ARHGEF18: variants seen among roughly 807,000 people sequenced by gnomAD.
ARHGEF18 encodes the protein Rho/Rac guanine nucleotide exchange factor 18.
Under a neutral mutation model 155.7 loss-of-function variants are expected in ARHGEF18, and 93 were observed. The observed-to-expected ratio is 0.60, with a 90% confidence interval of 0.50 to 0.71. ARHGEF18 has a LOEUF of 0.71. Ranked by LOEUF, ARHGEF18 falls within the 30% of genes least tolerant of loss-of-function variation. The pLI, the probability that ARHGEF18 is intolerant of heterozygous loss-of-function variation, is 0.00. For synonymous variants in ARHGEF18, 742 were observed against 753.1 expected, an observed-to-expected ratio of 0.99 and a Z score of 0.24; for missense variants, 1,593 against 1,816.1, an observed-to-expected ratio of 0.88 and a Z score of 2.23.
At chr19:7,367,977 A>G (rs1296666513) in intron 2 of ARHGEF18, among the ~76,000 whole-genome samples, 11 of 66,782 alleles carry the variant, frequency 1.6e-4, no homozygotes, top group South Asian at 1.1e-3. Flanking sequence ...AAAGGAAAGA[A>G]AGAGAGAGAG....
chr19:7,384,329 TGG>T (rs1389571916), intron 10 of ARHGEF18, among the ~76,000 whole-genome samples: 2 of 152,086 alleles, frequency 1.3e-5, no homozygotes, highest in Admixed American at 6.6e-5. Context: ...AAAAGTCTCC[TGG>T]GGGGCAGAAT....
intron 1 of ARHGEF18, among the ~76,000 whole-genome samples, chr19:7,353,921 T>C (rs1969217972): frequency 7.0e-6 from 1 of 142,728 alleles, no homozygotes. Flanking sequence ...GATCAGCCAC[T>C]GCACTCCAGT....
intron 1 of ARHGEF18, among the ~76,000 whole-genome samples, chr19:7,358,320 TC>T (rs1418534715): frequency 6.6e-6 from 1 of 151,266 alleles, no homozygotes; most frequent in Non-Finnish European, 1.5e-5. Context: ...CAACCATCCA[TC>T]CATTCAACAT....
intron 8 of ARHGEF18, among the ~76,000 whole-genome samples, chr19:7,381,691 T>TAATAAATA (rs57480401): frequency 0.04 from 5,904 of 146,088 alleles, 321 homozygotes; most frequent in African/African-American, 0.12. Flanking sequence ...AATAAATAAA[T>TAATAAATA]AATAAATAAA....
At chr19:7,412,421 G>A (rs190285889) in intron 10 of ARHGEF18, among the ~76,000 whole-genome samples, 7 of 151,704 alleles carry the variant, frequency 4.6e-5, no homozygotes, top group African/African-American at 1.7e-4. Context: ...CCTTCTCACC[G>A]AGACACTTAA....
intron 10 of ARHGEF18, among the ~76,000 whole-genome samples, chr19:7,438,957 C>T (rs1438199108): frequency 6.6e-6 from 1 of 151,966 alleles, no homozygotes; most frequent in Non-Finnish European, 1.5e-5. Context: ...ACTGCAACCT[C>T]CGACTCCCGG....
chr19:7,401,452 A>AT (rs1258352890), intron 10 of ARHGEF18, among the ~76,000 whole-genome samples: 7 of 151,612 alleles, frequency 4.6e-5, no homozygotes, highest in Admixed American at 1.3e-4. Flanking sequence ...CGCCTGGCTA[A>AT]TTTTTTTTTA....
chr19:7,457,854 G>C (rs1975943763), intron 18 of ARHGEF18, among the ~76,000 whole-genome samples: 1 of 152,120 alleles, frequency 6.6e-6, no homozygotes. Flanking sequence ...CGGTGGCTCT[G>C]GGTGGCCTGA....
At chr19:7,477,451 G>C (rs774211350), downstream of ARHGEF18, 9 of 1,418,530 alleles carry the variant, frequency 6.3e-6, no homozygotes, top group Non-Finnish European at 8.3e-6. Flanking sequence ...GGGGCAGAGA[G>C]GGGCCGCTTA....
intron 10 of ARHGEF18, among the ~76,000 whole-genome samples, chr19:7,431,549 C>T (rs533487803): frequency 5.5e-4 from 80 of 144,434 alleles, no homozygotes; most frequent in African/African-American, 1.5e-3. Flanking sequence ...GGCTCAGTGG[C>T]TCACGCCTTT....
intron 10 of ARHGEF18, among the ~76,000 whole-genome samples, chr19:7,408,000 T>A (rs1038380031): frequency 7.4e-6 from 1 of 134,420 alleles, no homozygotes; most frequent in Admixed American, 7.4e-5. Flanking sequence ...GGTAGTAGGC[T>A]GGGTGCAGTG....
At chr19:7,453,427 A>T (rs1568352186) in intron 16 of ARHGEF18, 40 bp from the exon 17 acceptor site, 1 of 1,552,152 alleles carries the variant, frequency 6.4e-7, no homozygotes, top group Non-Finnish European at 8.7e-7. Context: ...TGTTGTGTTA[A>T]AGTGGAAAAG....
At chr19:7,414,162 A>G (rs1316294214) in intron 10 of ARHGEF18, among the ~76,000 whole-genome samples, 1 of 152,082 alleles carries the variant, frequency 6.6e-6, no homozygotes, top group Non-Finnish European at 1.5e-5. Flanking sequence ...CACCCACCAG[A>G]TGCCAGGAGC....
At position 7,444,197 on chromosome 19, in the gene ARHGEF18, C is replaced by A. The variant is rs1446223978; in HGVS notation, c.1361-7C>A. ...ATGGCTAAGTCCTGCCGTCTGTGTC[C>A]CTGCAGAGCTGATGCAGACAGAGGT... On this transcript the variant is annotated splice_polypyrimidine_tract_variant and splice_region_variant and intron_variant, in intron 13 of 28. Transcript: ENST00000668164. The surrounding 1 kb of genome is among the most constrained non-coding windows in gnomAD (Gnocchi z 4.7). 1.9e-6 allele frequency: 3 copies of A among 1,610,440 alleles called. No individual in the cohort carries two copies. The highest frequency in any genetic ancestry group is 2.5e-6 in the Non-Finnish European group (3 of 1,177,808).
chr19:7,362,905 G>C lies in ARHGEF18; in HGVS notation c.15G>C (p.Gln5His). The C allele has an allele frequency of 8.1e-6, 10 of 1,234,310 alleles. No homozygotes were observed. Among genetic ancestry groups the C allele is most frequent in the Non-Finnish European group, 1.0e-5 (10 of 988,136 alleles). 76.5% of individuals were successfully genotyped at this position (1,234,310 alleles called of 1,614,324 possible). The change falls in exon 2 of 29, where the codon CAG becomes CAC. Residue 5 changes from glutamine (Q) to histidine (H), a missense_variant and splice_region_variant. Transcript: ENST00000668164. MGDD[Q>H]EDDFPRRLSE... Reference sequence around the variant, plus strand: ...TCTTCTCTGCCATGGGGGATGATCAGGCAGGTGTCTGACTGCTGAAACGGG... The same window carrying C: ...TCTTCTCTGCCATGGGGGATGATCACGCAGGTGTCTGACTGCTGAAACGGG...
rs1216246695 is a variant in ARHGEF18 at position 7,467,596 on chromosome 19, A to C, written c.3392A>C (p.Glu1131Ala). 2 of 1,507,030 alleles carry C rather than the reference A, an allele frequency of 1.3e-6. No individual in the cohort carries two copies. Among genetic ancestry groups the C allele is most frequent in the Non-Finnish European group, 1.8e-6 (2 of 1,136,022 alleles). 93.4% of individuals were successfully genotyped at this position (1,507,030 alleles called of 1,614,324 possible). A position where few individuals can be genotyped will look rare whatever the true frequency, so the allele number is the denominator to read the frequency against. Residue 1131 changes from glutamate to alanine, a missense_variant, in exon 26 of 29, where the codon GAG becomes GCG. By Grantham distance (107) the Glu-to-Ala change is moderately radical. Coordinates refer to ENST00000668164, the MANE Select transcript of ARHGEF18 (RefSeq NM_001367823.1). ...CTGCGCGAGGCCCAGCGTGCCGTGG[A>C]GCGCGAGCGGGAGCGCCTGGAGCTG... ...ERLREAQRAV[E>A]RERERLELLR...
At chr19:7,422,677 C>T (rs574560386) in intron 10 of ARHGEF18, among the ~76,000 whole-genome samples, 38 of 151,686 alleles carry the variant, frequency 2.5e-4, no homozygotes, top group African/African-American at 3.6e-4. Context: ...TCTCAAACAC[C>T]GCATCATCAG....
At chr19:7,426,185 G>GA (rs1467316198) in intron 10 of ARHGEF18, among the ~76,000 whole-genome samples, 2 of 151,656 alleles carry the variant, frequency 1.3e-5, no homozygotes, top group Non-Finnish European at 2.9e-5. Context: ...TCTCAAAAAA[G>GA]AAAAAAAGCA....
chr19:7,446,665 C>T (rs1040683913), intron 14 of ARHGEF18, among the ~76,000 whole-genome samples: 3 of 151,840 alleles, frequency 2.0e-5, no homozygotes, highest in Non-Finnish European at 2.9e-5. Flanking sequence ...CGCTTGACCC[C>T]GGGAGGTGGA....
Sources: gnomAD v4.1 joint callset for allele counts (sites outside exome capture counted in the v4.1 genomes callset) on GRCh38, gnomAD v4.1.1 for gene constraint, Gnocchi (gnomAD v3.1) non-coding constraint, MANE v1.5 for transcripts, NCBI Gene and HGNC (gene_info 2026-07-23, HGNC 2026-07-21) for gene names.